Variants in NPHP1 observed in about 807,000 individuals in gnomAD.
The protein encoded by NPHP1 is nephrocystin 1, also known as nephrocystin-1.
In NPHP1, 70 loss-of-function variants were observed where a neutral mutation model predicts 90.4. The ratio of observed to expected loss-of-function variants is 0.77; its 90% CI spans 0.64 to 0.95. The LOEUF (loss-of-function observed/expected upper bound fraction) is 0.95, where lower values mean the gene tolerates loss of function less well. Ranked by LOEUF, NPHP1 falls within the 40% of genes least tolerant of loss-of-function variation. NPHP1 has a pLI of 0.00. For missense variants in NPHP1, 764 were observed against 795.9 expected, an observed-to-expected ratio of 0.96 and a Z score of 0.48; for synonymous variants, 256 against 271.7, an observed-to-expected ratio of 0.94 and a Z score of 0.57.
intron 10 of NPHP1, among the ~76,000 whole-genome samples, chr2:110,160,614 TA>T (rs1205566803): frequency 2.0e-5 from 3 of 152,190 alleles, no homozygotes; most frequent in Non-Finnish European, 4.4e-5. Flanking sequence ...TAACGCAGCA[TA>T]AAACCAATGC....
At chr2:110,124,501 A>C (rs1000524439) in intron 19 of NPHP1, 1 of 248,122 alleles carries the variant, frequency 4.0e-6, no homozygotes, top group Non-Finnish European at 8.0e-6. Flanking sequence ...TCTGCATAGG[A>C]TCCAGAGTTG....
intron 11 of NPHP1, among the ~76,000 whole-genome samples, chr2:110,151,960 T>C (rs1258244944): frequency 6.6e-6 from 1 of 152,180 alleles, no homozygotes; most frequent in Non-Finnish European, 1.5e-5. Flanking sequence ...GATAATTTTA[T>C]ATCTTTCTTG....
intron 6 of NPHP1, among the ~76,000 whole-genome samples, chr2:110,167,607 A>C (rs943279591): frequency 1.3e-5 from 2 of 152,132 alleles, no homozygotes; most frequent in African/African-American, 4.8e-5. Context: ...TGGTAAATGC[A>C]AGGAAAGTGT....
intron 4 of NPHP1, among the ~76,000 whole-genome samples, chr2:110,173,141 T>C (rs1683275963): frequency 6.6e-6 from 1 of 151,844 alleles, no homozygotes; most frequent in Non-Finnish European, 1.5e-5. Flanking sequence ...GTATTTTTAG[T>C]AGAGATGGGG....
chr2:110,124,378 C>T (rs1679205107), intron 19 of NPHP1: 4 of 438,210 alleles, frequency 9.1e-6, no homozygotes, highest in Admixed American at 6.8e-5. Context: ...TTTGGTGACA[C>T]CAGTGTGGTT....
In NPHP1 at chr2:110,123,854, T is replaced by G. The variant is rs1274967993; in HGVS notation, c.1971A>C (p.Glu657Asp). 6.2e-7 allele frequency: 1 copy of G among 1,614,104 alleles called. No homozygotes were observed. The highest frequency in any genetic ancestry group is 8.5e-7 in the Non-Finnish European group (1 of 1,179,964). Residue 657 changes from glutamate (E) to aspartate (D), a missense_variant, in exon 20 of 20, where the codon GAA becomes GAC. Coordinates refer to ENST00000445609, the MANE Select transcript of NPHP1 (RefSeq NM_001128178.3). ...QALLSPDGVH[E>D]PFDLSEQTYD... The stretch of plus-strand genomic sequence containing the variant: ...AGGTCTGCTCTGAAAGGTCAAAAGG[T>G]TCATGAACTCCGTCTGGTGACAGCA...
chr2:110,131,527 T>C, intron 17 of NPHP1, 152 bp downstream of exon 17: 2 of 637,788 alleles, frequency 3.1e-6, no homozygotes, highest in East Asian at 2.8e-5. Flanking sequence ...GATCTGAAGA[T>C]GTCCCATAAG....
intron 2 of NPHP1, among the ~76,000 whole-genome samples, chr2:110,196,475 G>C (rs1238533939): frequency 6.6e-6 from 1 of 152,166 alleles, no homozygotes; most frequent in Non-Finnish European, 1.5e-5. Flanking sequence ...ACACCAGTTA[G>C]AATGGCGATC....
At chr2:110,181,613 T>C (rs1912095) in intron 2 of NPHP1, among the ~76,000 whole-genome samples, 148,355 of 152,242 alleles carry the variant, frequency 0.97, 72,389 homozygotes, top group Middle Eastern at 1. Context: ...CAATAAAAAC[T>C]CAACAAAAAT....
In NPHP1 at chr2:110,177,942, T is replaced by C. The variant is rs182891391; in HGVS notation, c.329+481A>G. ...TTTTTTGTAGAGATGGGGTCCACTG[T>C]ATTGCCCAGGCTGGTCTTGAACTCC... On this transcript the variant is annotated intron_variant, in intron 4 of 19. Transcript: ENST00000445609. 1.1e-3 allele frequency: 184 copies of C among 172,150 alleles called. 1 individual carries two copies. Among genetic ancestry groups the C allele is most frequent in the Non-Finnish European group, 1.9e-3 (152 of 81,266 alleles). 10.7% of individuals were successfully genotyped at this position (172,150 alleles called of 1,614,324 possible).
chr2:110,143,669 C>G (rs200526589), intron 15 of NPHP1, 28 bp from the exon 16 acceptor site: 6 of 1,502,866 alleles, frequency 4.0e-6, no homozygotes, highest in Middle Eastern at 1.7e-4. Flanking sequence ...AAGTAACTCA[C>G]GAAACTTTAA....
intron 11 of NPHP1, among the ~76,000 whole-genome samples, chr2:110,152,023 A>G (rs1292201428): frequency 6.6e-6 from 1 of 152,158 alleles, no homozygotes; most frequent in Non-Finnish European, 1.5e-5. Context: ...CTCACTATGC[A>G]TTTCAGAAAA....
chr2:110,160,962 T>C (rs189453552), intron 10 of NPHP1, among the ~76,000 whole-genome samples: 1 of 151,922 alleles, frequency 6.6e-6, no homozygotes, highest in African/African-American at 2.4e-5. Context: ...AGCTCAGGAG[T>C]TTGAGACCAG....
intron 19 of NPHP1, 72 bp from the exon 20 acceptor site, chr2:110,124,135 A>G: frequency 6.4e-7 from 1 of 1,566,246 alleles, no homozygotes; most frequent in Non-Finnish European, 8.8e-7. Context: ...TCTATTAACT[A>G]AAAGCCACCT....
At chr2:110,202,291 A>G (rs938949609) in intron 1 of NPHP1, 1 of 309,482 alleles carries the variant, frequency 3.2e-6, no homozygotes, top group African/African-American at 2.1e-5. Context: ...AAAGTGGATG[A>G]AAAAAGAGAA....
chr2:110,167,604 T>C (rs1682807128), intron 6 of NPHP1, among the ~76,000 whole-genome samples: 2 of 152,076 alleles, frequency 1.3e-5, no homozygotes, highest in Admixed American at 1.3e-4. Flanking sequence ...AACTGGTAAA[T>C]GCAAGGAAAG....
intron 2 of NPHP1, among the ~76,000 whole-genome samples, chr2:110,195,246 T>C (rs1260897627): frequency 6.6e-6 from 1 of 152,150 alleles, no homozygotes; most frequent in Non-Finnish European, 1.5e-5. Flanking sequence ...CATGATTGTA[T>C]ATCTAGAAAA....
Position 110,144,496 on chromosome 2 carries a change from T to C in NPHP1, c.1426A>G (p.Arg476Gly). The change falls in exon 15 of 20, where the codon AGA becomes GGA. Residue 476 changes from arginine (R) to glycine (G), a missense_variant. Transcript: ENST00000445609. ...GIEVDPSISRRAHGSVFYQIM... is the reference protein window; with the variant it reads ...GIEVDPSISRGAHGSVFYQIM... The stretch of plus-strand genomic sequence containing the variant: ...AGACAACACATGAGAGCCATACCTC[T>C]TCTGGATATTGAAGGGTCCACTTCA... 1.3e-6 allele frequency: 2 copies of C among 1,594,380 alleles called. No homozygotes were observed. Among genetic ancestry groups the C allele is most frequent in the Non-Finnish European group, 1.7e-6 (2 of 1,162,150 alleles).
chr2:110,170,610 C>A (rs745597505), intron 4 of NPHP1, among the ~76,000 whole-genome samples: 1 of 152,056 alleles, frequency 6.6e-6, no homozygotes, highest in African/African-American at 2.4e-5. Context: ...AGACATGATT[C>A]CCCATCCTCA....
Sources: gnomAD v4.1 joint callset for allele counts (sites outside exome capture counted in the v4.1 genomes callset) on GRCh38, gnomAD v4.1.1 for gene constraint, MANE v1.5 for transcripts, NCBI Gene and HGNC (gene_info 2026-07-23, HGNC 2026-07-21) for gene names.